CACNA1I: variants seen among roughly 807,000 people sequenced by gnomAD.
The protein encoded by CACNA1I is voltage-dependent T-type calcium channel subunit alpha-1I.
Under a neutral mutation model 201.6 loss-of-function variants are expected in CACNA1I, and 74 were observed. The observed-to-expected ratio is 0.37, with a 90% confidence interval of 0.30 to 0.45. The LOEUF (loss-of-function observed/expected upper bound fraction) is 0.45. Ranked by LOEUF, CACNA1I falls within the 20% of genes least tolerant of loss-of-function variation. The pLI, the probability that CACNA1I is intolerant of heterozygous loss-of-function variation, is 1.00. For missense variants in CACNA1I, 2,346 were observed against 3,138.1 expected (o/e 0.75, Z 6.03); for synonymous variants, 1,431 against 1,345.2 (o/e 1.06, Z -1.40).
In CACNA1I at chr22:39,664,747, G is replaced by T. The variant is rs1203283828; in HGVS notation, c.3675G>T (p.Ser1225=). The change falls in exon 21 of 37, where the codon TCG becomes TCT. Residue 1225 remains serine, a synonymous_variant. Coordinates refer to ENST00000402142, the MANE Select transcript of CACNA1I (RefSeq NM_021096.4). ...CCCCACCCCCGCCCCAGGTAGTCTC[G>T]CTGGGCCTGTACTTCGGCGAGCAGG... ...FVGEMTLKVV[S]LGLYFGEQAY... is the part of the protein sequence containing the mutation. 2.1e-6 allele frequency: 3 copies of T among 1,408,160 alleles called. No individual in the cohort carries two copies. The highest frequency in any genetic ancestry group is 1.9e-5 in the Admixed American group (1 of 52,106). 87.2% of individuals were successfully genotyped at this position (1,408,160 alleles called of 1,614,324 possible). A position where few individuals can be genotyped will look rare whatever the true frequency, so the allele number is the denominator to read the frequency against.
chr22:39,681,121 A>G (rs1230075358), intron 34 of CACNA1I, 69 bp downstream of exon 34: 4 of 1,519,700 alleles, frequency 2.6e-6, no homozygotes, highest in African/African-American at 1.4e-5. Context: ...CCACCCAGGC[A>G]GGACCCCCCT....
At chr22:39,609,511 C>G in intron 3 of CACNA1I, among the ~76,000 whole-genome samples, 1 of 152,200 alleles carries the variant, frequency 6.6e-6, no homozygotes, top group South Asian at 2.1e-4. Flanking sequence ...GGTCACAAGG[C>G]AGCCGGTGAA....
chr22:39,661,435 CA>C (rs1569087413), intron 16 of CACNA1I, 125 bp downstream of exon 16: 2 of 735,244 alleles, frequency 2.7e-6, no homozygotes, highest in Non-Finnish European at 4.2e-6. Flanking sequence ...AGGCAGGGGC[CA>C]TGTCTGTTGC....
chr22:39,677,920 A>C lies in CACNA1I; in HGVS notation c.4934-67A>C. On this transcript the variant is annotated intron_variant, in intron 30 of 36. Transcript: ENST00000402142. This position sits in a 1 kb window ranked among gnomAD's most constrained non-coding sequence, Gnocchi z 4.8. ...AGGGTTCTGAGGCGAGGCGGGAGGC[A>C]CCAGGTCAGGGTGAGCCCCGCAGGC... The C allele has an allele frequency of 6.6e-7, 1 of 1,504,134 alleles. No homozygotes were observed. The highest frequency in any genetic ancestry group is 8.9e-7 in the Non-Finnish European group (1 of 1,122,746). The allele number at this position is 1,504,134 out of a possible 1,614,324, so 93.2% of individuals were successfully genotyped here.
In CACNA1I at chr22:39,680,673, G is replaced by C. The variant is rs562802516; in HGVS notation, c.5542-257G>C. 6.3e-4 allele frequency among the ~76,000 whole-genome samples: 96 copies of C among 152,304 alleles called. 2 individuals carry two copies. The South Asian group carries it at 0.014, about 22-fold the overall frequency. ...GTTCACAGCCCACGGCAACTCACCT[G>C]CCCTCAGGTCCAGGTAGCAAGATGG... On this transcript the variant is annotated intron_variant, in intron 33 of 36. Transcript: ENST00000402142.
chr22:39,637,902 A>T (rs1466234070), intron 5 of CACNA1I, among the ~76,000 whole-genome samples: 3 of 152,230 alleles, frequency 2.0e-5, no homozygotes, highest in African/African-American at 4.8e-5. Context: ...TCTGACGTCC[A>T]AATCTAGCTT....
intron 3 of CACNA1I, among the ~76,000 whole-genome samples, chr22:39,612,144 G>A (rs1285027195): frequency 1.3e-5 from 2 of 152,090 alleles, no homozygotes; most frequent in African/African-American, 4.8e-5. Flanking sequence ...GGAGTGGGAT[G>A]GTTATCGTGG....
In CACNA1I at chr22:39,600,511, C is replaced by T. The variant is rs370746198; in HGVS notation, c.349-9C>T. 2.7e-5 allele frequency: 43 copies of T among 1,610,586 alleles called. No homozygotes were observed. Among genetic ancestry groups the T allele is most frequent in the Admixed American group, 3.4e-5 (2 of 59,622 alleles). Reference sequence around the variant, plus strand: ...CCTGTCCCTTGCTTCCCTCCTCCTGCCCCTGCAGGTCTTTGATGACTTCAT... The same window carrying T: ...CCTGTCCCTTGCTTCCCTCCTCCTGTCCCTGCAGGTCTTTGATGACTTCAT... On this transcript the variant is annotated splice_polypyrimidine_tract_variant and intron_variant, in intron 2 of 36. Transcript: ENST00000402142.
At chr22:39,611,829 T>C (rs894617480) in intron 3 of CACNA1I, among the ~76,000 whole-genome samples, 7 of 152,144 alleles carry the variant, frequency 4.6e-5, no homozygotes, top group African/African-American at 7.2e-5. Context: ...CTGGGTTCTG[T>C]CTTTGCAGCC....
intron 1 of CACNA1I, among the ~76,000 whole-genome samples, chr22:39,591,425 G>C (rs190432738): frequency 6.6e-6 from 1 of 152,198 alleles, no homozygotes; most frequent in East Asian, 1.9e-4. Flanking sequence ...GCCTCCCAAA[G>C]TGCTGGGATT....
Position 39,677,241 on chromosome 22 carries a change from C to G in CACNA1I, c.4855-100C>G. On this transcript the variant is annotated intron_variant, in intron 29 of 36. Transcript: ENST00000402142. This position sits in a 1 kb window ranked among gnomAD's most constrained non-coding sequence, Gnocchi z 4.8. ...GGAATGTTACAGCTGCTCTGACCCA[C>G]AGGCTGCCCAACCCCACTGCCCCAG... The G allele has an allele frequency of 2.7e-6, 2 of 747,212 alleles. No homozygotes were observed. Among genetic ancestry groups the G allele is most frequent in the South Asian group, 3.2e-5 (2 of 62,516 alleles). The allele number at this position is 747,212 out of a possible 1,614,324, so 46.3% of individuals were successfully genotyped here.
In CACNA1I at chr22:39,648,901, T is replaced by C. The variant is rs1934567999; in HGVS notation, c.1568-600T>C. On this transcript the variant is annotated intron_variant, in intron 9 of 36. Coordinates refer to ENST00000402142, the MANE Select transcript of CACNA1I (RefSeq NM_021096.4). This position sits in a 1 kb window ranked among gnomAD's most constrained non-coding sequence, Gnocchi z 5.4. ...CTTCCCAGGGGCCCTTCCTGCCCGC[T>C]GCCCCCACCTCCACCCCTTGCGTGG... 6.6e-6 allele frequency among the ~76,000 whole-genome samples: 1 copy of C among 152,016 alleles called. No homozygotes were observed. Among genetic ancestry groups the C allele is most frequent in the African/African-American group, 2.4e-5 (1 of 41,406 alleles).
In CACNA1I at chr22:39,607,895, C is replaced by G. The variant is rs1327991570; in HGVS notation, c.482+7242C>G. Among the ~76,000 whole-genome samples, 94 of 139,290 alleles carry G rather than the reference C, an allele frequency of 6.7e-4. 1 individual carries two copies. Among genetic ancestry groups the G allele is most frequent in the Middle Eastern group, 3.6e-3 (1 of 274 alleles). 91.4% of individuals were successfully genotyped at this position (139,290 alleles called of 152,430 possible). A position where few individuals can be genotyped will look rare whatever the true frequency, so the allele number is the denominator to read the frequency against. ...ATCCCAGCACTTTGGGGTGCCAAGG[C>G]GGGGGGGGGTCACCTGAGGTCAGGA... On this transcript the variant is annotated intron_variant, in intron 3 of 36. Transcript: ENST00000402142.
chr22:39,622,448 TG>T (rs1316035894), intron 4 of CACNA1I, among the ~76,000 whole-genome samples: 1 of 143,792 alleles, frequency 7.0e-6, no homozygotes, highest in Non-Finnish European at 1.5e-5. Context: ...CTGCAGGAGC[TG>T]GGGGTTACAG....
intron 5 of CACNA1I, among the ~76,000 whole-genome samples, chr22:39,635,727 G>A (rs889688964): frequency 3.3e-5 from 5 of 152,148 alleles, no homozygotes; most frequent in African/African-American, 1.2e-4. Flanking sequence ...GTGGGGCTGG[G>A]GAGAGGCAGC....
In CACNA1I at chr22:39,686,319, A is replaced by G. The variant is rs1325515031; in HGVS notation, c.6586A>G (p.Met2196Val). 3.8e-6 allele frequency: 5 copies of G among 1,328,304 alleles called. No individual in the cohort carries two copies. Among genetic ancestry groups the G allele is most frequent in the African/African-American group, 3.1e-5 (2 of 64,190 alleles). The allele number at this position is 1,328,304 out of a possible 1,614,324, so 82.3% of individuals were successfully genotyped here. A position where few individuals can be genotyped will look rare whatever the true frequency, so the allele number is the denominator to read the frequency against. Reference sequence around the variant, plus strand: ...CCCCCCCGGCCGGGCACCGCTGCCCATGGGCCTGGGCCCCTTGGCGCCCCC... The same window carrying G: ...CCCCCCCGGCCGGGCACCGCTGCCCGTGGGCCTGGGCCCCTTGGCGCCCCC... ...KDPPGRAPLP[M>V]GLGPLAPPPQ... is the part of the protein sequence containing the mutation. Residue 2196 changes from methionine (M) to valine (V), a missense_variant, in exon 37 of 37, where the codon ATG (methionine) becomes GTG (valine). Around this residue, in one of 13 missense-constraint regions of CACNA1I, gnomAD observed 187 missense variants for 151.0 expected, o/e 1.24. Transcript: ENST00000402142.
chr22:39,576,211 T>C (rs1932344996), intron 1 of CACNA1I, among the ~76,000 whole-genome samples: 1 of 152,218 alleles, frequency 6.6e-6, no homozygotes, highest in Non-Finnish European at 1.5e-5. Flanking sequence ...TGATTAGCGA[T>C]GGTTCCTGTA....
At chr22:39,628,074 TC>T (rs1569069848) in intron 4 of CACNA1I, among the ~76,000 whole-genome samples, 1 of 152,128 alleles carries the variant, frequency 6.6e-6, no homozygotes, top group Non-Finnish European at 1.5e-5. Flanking sequence ...TGCCTCCCTC[TC>T]CCCCTCCCTC....
rs1445843681 is a variant in CACNA1I, at chr22:39,584,992, A to T, written c.237-13159A>T. On this transcript the variant is annotated intron_variant, in intron 1 of 36. Transcript: ENST00000402142. ...AAATAATATATGTTTCTTTATCAAAAATTTGTTTTAAAAATATTTTGATAA... is the reference window on the plus strand; with the variant it reads ...AAATAATATATGTTTCTTTATCAAATATTTGTTTTAAAAATATTTTGATAA... Among the ~76,000 whole-genome samples, 4 of 152,222 alleles carry T rather than the reference A, an allele frequency of 2.6e-5. No individual in the cohort carries two copies. The East Asian group carries it at 7.7e-4, about 29-fold the overall frequency.
Sources: gnomAD v4.1 joint callset for allele counts (sites outside exome capture counted in the v4.1 genomes callset) on GRCh38, gnomAD v4.1.1 for gene constraint, gnomAD v4.1.1 regional missense constraint, Gnocchi (gnomAD v3.1) non-coding constraint, MANE v1.5 for transcripts, NCBI Gene and HGNC (gene_info 2026-07-23, HGNC 2026-07-21) for gene names.